MTUS2: variants seen among roughly 807,000 people sequenced by gnomAD.
MTUS2 encodes microtubule associated scaffold protein 2.
A neutral mutation model predicts 114.1 loss-of-function variants in MTUS2; 40 were observed. The observed-to-expected ratio is 0.35, with a 90% CI of 0.27 to 0.46. The LOEUF is 0.46. Ranked by LOEUF, MTUS2 falls within the 20% of genes least tolerant of loss-of-function variation. The probability of loss-of-function intolerance (pLI) is 1.00; values close to 1 mark genes in which losing one functional copy is unlikely to be tolerated. For synonymous variants in MTUS2, 688 were observed against 672.0 expected, an observed-to-expected ratio of 1.02 and a Z score of -0.37; for missense variants, 1,679 against 1,705.4, an observed-to-expected ratio of 0.98 and a Z score of 0.27.
rs538848370 is a variant in MTUS2 at position 29,347,770 on chromosome 13, G to T, written c.2906-11492G>T. ...TAGTAGGTGTGTATGTGACCCACAC[G>T]TCTGTCTGACTTGGCTACAAATTGG... On this transcript the variant is annotated intron_variant, in intron 7 of 15. Transcript: ENST00000612955. Among the ~76,000 whole-genome samples, 46 of 152,276 alleles carry T rather than the reference G, an allele frequency of 3.0e-4. No individual in the cohort carries two copies. The South Asian group carries it at 4.3e-3, about 14-fold the overall frequency.
chr13:29,081,945 G>A (rs1398159099), intron 4 of MTUS2, among the ~76,000 whole-genome samples: 1 of 152,228 alleles, frequency 6.6e-6, no homozygotes, highest in Admixed American at 6.5e-5. Flanking sequence ...AGTGTTACAC[G>A]ACTGCCTGAA....
At chr13:28,866,286 T>A (rs1353695793) in intron 2 of MTUS2, among the ~76,000 whole-genome samples, 5 of 152,112 alleles carry the variant, frequency 3.3e-5, no homozygotes, top group African/African-American at 1.2e-4. Context: ...GAACCATGGA[T>A]CACCATAAGC....
chr13:29,375,920 A>G (rs1871687784), intron 8 of MTUS2, among the ~76,000 whole-genome samples: 1 of 151,830 alleles, frequency 6.6e-6, no homozygotes, highest in Non-Finnish European at 1.5e-5. Flanking sequence ...TGGGTGCACC[A>G]AAATCTCAGA....
At chr13:29,394,255 A>G (rs1873732608) in intron 8 of MTUS2, among the ~76,000 whole-genome samples, 1 of 152,166 alleles carries the variant, frequency 6.6e-6, no homozygotes, top group African/African-American at 2.4e-5. Context: ...TGATTTTTAT[A>G]CATTTTAGGG....
At chr13:29,248,802 T>A (rs918614773) in intron 5 of MTUS2, among the ~76,000 whole-genome samples, 3 of 152,240 alleles carry the variant, frequency 2.0e-5, no homozygotes, top group African/African-American at 7.2e-5. Context: ...GCAAAGGACA[T>A]GATCTCATTC....
intron 2 of MTUS2, among the ~76,000 whole-genome samples, chr13:28,906,233 G>GT (rs1422542521): frequency 2.6e-5 from 4 of 151,348 alleles, no homozygotes; most frequent in African/African-American, 9.8e-5. Context: ...TTTTTGAAGT[G>GT]TTTTTTATGT....
chr13:29,488,398 CTA>C (rs1371575658), intron 11 of MTUS2, among the ~76,000 whole-genome samples: 1 of 148,872 alleles, frequency 6.7e-6, no homozygotes, highest in Non-Finnish European at 1.5e-5. Context: ...GGGCCACTGT[CTA>C]AAGCAGGCAT....
At chr13:28,825,584 C>T (rs989477577) in intron 1 of MTUS2, among the ~76,000 whole-genome samples, 3 of 152,186 alleles carry the variant, frequency 2.0e-5, no homozygotes, top group African/African-American at 4.8e-5. Context: ...AACACACACA[C>T]ACACACCCCT....
At chr13:29,095,791 CT>C (rs34770948) in intron 4 of MTUS2, among the ~76,000 whole-genome samples, 101,595 of 151,256 alleles carry the variant, frequency 0.67, 34,799 homozygotes, top group Non-Finnish European at 0.74. Flanking sequence ...AGTTATTTTG[CT>C]TTTTTAACAC....
At chr13:28,886,553 G>C (rs1878603548) in intron 2 of MTUS2, among the ~76,000 whole-genome samples, 1 of 151,976 alleles carries the variant, frequency 6.6e-6, no homozygotes, top group South Asian at 2.1e-4. Flanking sequence ...AGTTGTGAAT[G>C]CTGTGTGTTG....
intron 5 of MTUS2, among the ~76,000 whole-genome samples, chr13:29,141,922 T>C (rs1255637539): frequency 1.3e-5 from 2 of 150,706 alleles, no homozygotes; most frequent in East Asian, 2.0e-4. Flanking sequence ...TGCAGTGGTG[T>C]GATCTCGGCT....
chr13:29,074,897 G>T (rs937076798), intron 4 of MTUS2, among the ~76,000 whole-genome samples: 3 of 152,054 alleles, frequency 2.0e-5, no homozygotes, highest in Non-Finnish European at 2.9e-5. Context: ...ACCATTTAAA[G>T]CATAAATTCA....
intron 5 of MTUS2, among the ~76,000 whole-genome samples, chr13:29,156,436 T>C (rs1892862399): frequency 6.6e-6 from 1 of 152,034 alleles, no homozygotes; most frequent in Non-Finnish European, 1.5e-5. Flanking sequence ...GACAAAAGGC[T>C]CCCAAGGTTG....
intron 5 of MTUS2, among the ~76,000 whole-genome samples, chr13:29,256,335 G>T (rs1341585604): frequency 6.6e-6 from 1 of 152,216 alleles, no homozygotes; most frequent in Non-Finnish European, 1.5e-5. Context: ...CTCATCCTGG[G>T]CTGGCTTATC....
chr13:29,190,164 T>A (rs1434332812), intron 5 of MTUS2, among the ~76,000 whole-genome samples: 1 of 152,198 alleles, frequency 6.6e-6, no homozygotes, highest in Non-Finnish European at 1.5e-5. Context: ...CTATGGTATT[T>A]CGTTATAGCA....
intron 5 of MTUS2, among the ~76,000 whole-genome samples, chr13:29,243,827 G>C (rs764823844): frequency 1.2e-4 from 18 of 152,176 alleles, no homozygotes; most frequent in Admixed American, 7.2e-4. Context: ...CTGAGGCATC[G>C]ATACAATTTG....
chr13:29,344,865 AT>A (rs1343448301), intron 7 of MTUS2, among the ~76,000 whole-genome samples: 6 of 152,142 alleles, frequency 3.9e-5, no homozygotes, highest in Non-Finnish European at 8.8e-5. Context: ...GTAGTGGCAA[AT>A]TCTCTCAACA....
chr13:28,917,656 A>G (rs1332310220), intron 2 of MTUS2, among the ~76,000 whole-genome samples: 1 of 150,274 alleles, frequency 6.7e-6, no homozygotes, highest in East Asian at 1.9e-4. Flanking sequence ...AATTTTATTT[A>G]TTCTTTCAAA....
intron 7 of MTUS2, among the ~76,000 whole-genome samples, chr13:29,340,586 G>C (rs774107948): frequency 6.6e-6 from 1 of 152,072 alleles, no homozygotes; most frequent in Admixed American, 6.6e-5. Flanking sequence ...TCCAGCCTTC[G>C]TACATTCATG....
Sources: allele counts gnomAD v4.1 joint callset (sites outside exome capture counted in the v4.1 genomes callset), GRCh38; gene constraint gnomAD v4.1.1; transcripts MANE v1.5; gene names NCBI Gene and HGNC (gene_info 2026-07-23, HGNC 2026-07-21).